The following RIC8B variants were observed in gnomAD, a reference collection of about 807,000 sequenced individuals.
The protein encoded by RIC8B is RIC8 guanine nucleotide exchange factor B, also known as chaperone Ric-8B.
RIC8B carries 16 observed loss-of-function variants against 57.5 expected under a neutral mutation model. The observed-to-expected ratio is 0.28, with a 90% CI of 0.19 to 0.42. The LOEUF (loss-of-function observed/expected upper bound fraction) is 0.42. RIC8B is among the 10% of genes least tolerant of loss of function. The pLI, the probability that RIC8B is intolerant of heterozygous loss-of-function variation, is 1.00. For synonymous variants in RIC8B, 216 were observed against 250.8 expected (o/e 0.86, Z 1.31); for missense variants, 481 against 677.0 (o/e 0.71, Z 3.21).
intron 9 of RIC8B, chr12:106,871,487 A>AAAT (rs1444010691): frequency 7.0e-6 from 1 of 143,330 alleles, no homozygotes; most frequent in Non-Finnish European, 1.5e-5. Flanking sequence ...AAAAAAAAAA[A>AAAT]AAAAAAAAAA....
rs2043884102 is a variant in RIC8B at position 106,783,987 on chromosome 12, T to C, written c.85-10T>C. On this transcript the variant is annotated splice_polypyrimidine_tract_variant and intron_variant, in intron 1 of 9. Transcript: ENST00000392837. ...TTAAAATGACATTGTTTCCCTTTTT[T>C]CCCCCTCAGCATAGGGCTACTTTCA... The C allele has an allele frequency of 6.2e-7, 1 of 1,612,254 alleles. No homozygotes were observed. Among genetic ancestry groups the C allele is most frequent in the South Asian group, 1.1e-5 (1 of 90,658 alleles).
chr12:106,823,208 T>A, intron 3 of RIC8B: 1 of 267,408 alleles, frequency 3.7e-6, no homozygotes. Flanking sequence ...AGTAAACAAA[T>A]GTGAAATTAC....
intron 4 of RIC8B, among the ~76,000 whole-genome samples, chr12:106,832,810 C>T (rs1394885575): frequency 6.6e-6 from 1 of 152,078 alleles, no homozygotes; most frequent in African/African-American, 2.4e-5. Context: ...TAAAATGTAC[C>T]TATTCTTTCC....
chr12:106,868,732 T>C (rs996857551), intron 8 of RIC8B, among the ~76,000 whole-genome samples: 9 of 136,312 alleles, frequency 6.6e-5, no homozygotes, highest in African/African-American at 5.6e-5. Context: ...AAAGAGGAAA[T>C]AGCACACAAT....
At chr12:106,778,792 C>T (rs953811110) in intron 1 of RIC8B, among the ~76,000 whole-genome samples, 2 of 152,168 alleles carry the variant, frequency 1.3e-5, no homozygotes, top group Non-Finnish European at 2.9e-5. Context: ...GGTTATTCCT[C>T]AATATCCAAA....
intron 2 of RIC8B, among the ~76,000 whole-genome samples, chr12:106,802,849 G>GGTATTATT (rs2044799517): frequency 6.6e-6 from 1 of 151,906 alleles, no homozygotes; most frequent in East Asian, 1.9e-4. Context: ...CTCTTGTCCT[G>GGTATTATT]AGTATGTTAA....
At chr12:106,870,137 C>G (rs1347418497) in intron 8 of RIC8B, among the ~76,000 whole-genome samples, 1 of 151,496 alleles carries the variant, frequency 6.6e-6, no homozygotes, top group Non-Finnish European at 1.5e-5. Context: ...GTATTATAAC[C>G]TCATACAAAG....
intron 2 of RIC8B, among the ~76,000 whole-genome samples, chr12:106,807,842 T>G (rs2045115478): frequency 6.6e-6 from 1 of 152,134 alleles, no homozygotes; most frequent in Non-Finnish European, 1.5e-5. Flanking sequence ...TCCCAGCACT[T>G]TGGGAGGCCA....
intron 3 of RIC8B, among the ~76,000 whole-genome samples, chr12:106,823,810 G>A (rs752238053): frequency 2.0e-5 from 3 of 151,616 alleles, no homozygotes; most frequent in Non-Finnish European, 4.4e-5. Context: ...TCAGCCTCCC[G>A]AGTAGCTGGG....
In RIC8B at chr12:106,855,731, T is replaced by C. The variant is rs567955760; in HGVS notation, c.1306+4137T>C. The stretch of plus-strand genomic sequence containing the variant: ...TTGCTGGTGTTCCCTAAAGTAATCT[T>C]TTGGTCCCAATCCTCACTTCACATT... On this transcript the variant is annotated intron_variant, in intron 7 of 9. Transcript: ENST00000392837. Among the ~76,000 whole-genome samples the C allele has an allele frequency of 2.0e-4, 31 of 152,268 alleles. 1 individual carries two copies. In the South Asian group the frequency reaches 6.4e-3, roughly 32 times the overall value.
intron 3 of RIC8B, among the ~76,000 whole-genome samples, chr12:106,825,280 G>T (rs2046045094): frequency 1.3e-5 from 2 of 152,148 alleles, no homozygotes; most frequent in Admixed American, 1.3e-4. Context: ...AGGATATTAA[G>T]ATTGATTAAA....
At chr12:106,826,350 C>G (rs1045521565) in intron 4 of RIC8B, among the ~76,000 whole-genome samples, 1 of 152,184 alleles carries the variant, frequency 6.6e-6, no homozygotes, top group African/African-American at 2.4e-5. Context: ...AACTAGTACT[C>G]TCACTAATTT....
At chr12:106,797,173 AGT>A (rs1593121489) in intron 2 of RIC8B, among the ~76,000 whole-genome samples, 1 of 152,248 alleles carries the variant, frequency 6.6e-6, no homozygotes, top group African/African-American at 2.4e-5. Flanking sequence ...ACCCAAGAGA[AGT>A]GGAAATACAT....
At chr12:106,825,689 A>T in intron 3 of RIC8B, 37 bp from the exon 4 acceptor site, 1 of 1,524,428 alleles carries the variant, frequency 6.6e-7, no homozygotes, top group Non-Finnish European at 9.1e-7. Context: ...TCAGGCATTC[A>T]ACCCCCAATG....
intron 3 of RIC8B, among the ~76,000 whole-genome samples, chr12:106,816,510 G>A (rs1442976345): frequency 3.3e-5 from 5 of 152,192 alleles, no homozygotes; most frequent in South Asian, 4.1e-4. Context: ...ATATTTGGAA[G>A]TATTTAAAAT....
chr12:106,860,909 TAATC>T (rs1312466759), intron 8 of RIC8B, among the ~76,000 whole-genome samples: 1 of 152,040 alleles, frequency 6.6e-6, no homozygotes, highest in Non-Finnish European at 1.5e-5. Flanking sequence ...CAGTGAATTT[TAATC>T]AAACAAACAT....
At chr12:106,843,756 A>C in intron 5 of RIC8B, 96 bp from the exon 6 acceptor site, 2 of 880,810 alleles carry the variant, frequency 2.3e-6, no homozygotes, top group Non-Finnish European at 3.4e-6. Context: ...TCCCCACCTC[A>C]AAAACAAATT....
At chr12:106,827,181 TG>T in intron 4 of RIC8B, among the ~76,000 whole-genome samples, 1 of 152,266 alleles carries the variant, frequency 6.6e-6, no homozygotes. Flanking sequence ...TAAGAATTAA[TG>T]CATTTTTCCA....
chr12:106,784,885 T>C (rs977119275), intron 2 of RIC8B, among the ~76,000 whole-genome samples: 8 of 152,232 alleles, frequency 5.3e-5, no homozygotes, highest in Non-Finnish European at 1.0e-4. Context: ...ATTTTACGTT[T>C]TCAGATTTCT....
Sources: gnomAD v4.1 joint callset for allele counts (sites outside exome capture counted in the v4.1 genomes callset) on GRCh38, gnomAD v4.1.1 for gene constraint, MANE v1.5 for transcripts, NCBI Gene and HGNC (gene_info 2026-07-23, HGNC 2026-07-21) for gene names.